Variants in UBN1 observed in about 807,000 individuals in gnomAD.
UBN1 encodes the protein ubinuclein 1, also known as ubinuclein-1.
UBN1 carries 17 observed loss-of-function variants against 108.5 expected under a neutral mutation model. The observed-to-expected ratio is 0.16, with a 90% CI of 0.11 to 0.24. The LOEUF (loss-of-function observed/expected upper bound fraction) is 0.24, where lower values mean the gene tolerates loss of function less well. Among genes scored for constraint, UBN1 ranks in the 10% least tolerant of loss-of-function variants. The probability of loss-of-function intolerance (pLI) is 1.00; values close to 1 mark genes in which losing one functional copy is unlikely to be tolerated. For missense variants in UBN1, 1,595 were observed against 1,394.4 expected (o/e 1.14, Z -2.29); for synonymous variants, 726 against 564.2 (o/e 1.29, Z -4.07).
chr16:4,848,288 G>C (rs2086307102), intron 1 of UBN1, 78 bp downstream of exon 1: 1 of 152,284 alleles, frequency 6.6e-6, no homozygotes, highest in African/African-American at 2.4e-5. Context: ...TGTGACAACA[G>C]GAAGACAGAT....
At chr16:4,862,370 C>G (rs890046627) in intron 7 of UBN1, among the ~76,000 whole-genome samples, 11 of 152,182 alleles carry the variant, frequency 7.2e-5, no homozygotes, top group African/African-American at 2.7e-4. Context: ...TTGTGTCCAG[C>G]ATTGGAAATT....
At chr16:4,876,733 C>T (rs1446632636) in intron 15 of UBN1, 138 bp from the exon 16 acceptor site, 26 of 1,372,890 alleles carry the variant, frequency 1.9e-5, no homozygotes, top group South Asian at 4.6e-5. Flanking sequence ...CGGAGGGTGC[C>T]TCCCAGGGCC....
chr16:4,859,802 G>A (rs1367501186), intron 5 of UBN1, 63 bp from the exon 6 acceptor site: 34 of 1,606,168 alleles, frequency 2.1e-5, no homozygotes, highest in African/African-American at 6.7e-5. Flanking sequence ...GGCCAGTGCC[G>A]TGTAGTGCAC....
chr16:4,847,521 C>G lies in UBN1; in HGVS notation c.-729C>G. ...CCTTCGGCTCGTGACAACGAAGCGCCCGCGGTCTGAGGCGGCGGCGGCGGC... is the reference window on the plus strand; with the variant it reads ...CCTTCGGCTCGTGACAACGAAGCGCGCGCGGTCTGAGGCGGCGGCGGCGGC... On this transcript the variant is annotated 5_prime_UTR_variant, in exon 1 of 18. Transcript: ENST00000262376. The G allele has an allele frequency of 2.0e-6, 1 of 503,336 alleles. No individual in the cohort carries two copies. Among genetic ancestry groups the G allele is most frequent in the Non-Finnish European group, 3.4e-6 (1 of 291,084 alleles). 31.2% of individuals were successfully genotyped at this position (503,336 alleles called of 1,614,324 possible).
intron 1 of UBN1, among the ~76,000 whole-genome samples, chr16:4,852,056 C>G (rs1481876627): frequency 6.6e-6 from 1 of 152,146 alleles, no homozygotes; most frequent in African/African-American, 2.4e-5. Context: ...TTGGTTGCTT[C>G]CATCATTTTT....
At chr16:4,872,280 G>A in intron 12 of UBN1, 2 of 985,376 alleles carry the variant, frequency 2.0e-6, no homozygotes, top group South Asian at 4.7e-5. Flanking sequence ...GGAGGGACTA[G>A]GCAATAAGGA....
chr16:4,857,827 CTTAA>C (rs1440595683), intron 2 of UBN1, among the ~76,000 whole-genome samples, 159 bp from the exon 3 acceptor site: 1 of 152,136 alleles, frequency 6.6e-6, no homozygotes, highest in Non-Finnish European at 1.5e-5. Flanking sequence ...ATTTTACTTT[CTTAA>C]TTAAGATAAA....
In UBN1 at chr16:4,875,205, G is replaced by T. The variant is rs199925917; in HGVS notation, c.2795G>T (p.Ser932Ile). 43 of 1,614,228 alleles carry T rather than the reference G, an allele frequency of 2.7e-5. No homozygotes were observed. Among genetic ancestry groups the T allele is most frequent in the Non-Finnish European group, 3.4e-5 (40 of 1,180,052 alleles). Reference protein sequence around the residue: ...GTPVQSSVSGSLVPGIQPPSV... With the variant: ...GTPVQSSVSGILVPGIQPPSV... ...CCAGTCCAGAGTTCTGTTTCTGGGA[G>T]CCTGGTCCCTGGCATACAGCCTCCC... The change falls in exon 15 of 18, where the codon AGC becomes ATC. Residue 932 changes from serine to isoleucine, a missense_variant. This residue lies in a region of UBN1 where 1,398 missense variants were observed against 1,194.7 expected (regional missense o/e 1.17). Transcript: ENST00000262376.
rs1450358517 is a variant in UBN1, at chr16:4,877,077, T to A, written c.3231T>A (p.Pro1077=). ...GVSKDAIVTG[P]APGSFHHGLG... is the part of the protein sequence containing the mutation. Reference sequence around the variant, plus strand: ...CCAAGGATGCCATCGTCACAGGCCCTGCCCCCGGGTCCTTCCACCATGGCC... The same window carrying A: ...CCAAGGATGCCATCGTCACAGGCCCAGCCCCCGGGTCCTTCCACCATGGCC... The change falls in exon 16 of 18, where the codon CCT becomes CCA. Residue 1077 remains proline, a synonymous_variant. Transcript: ENST00000262376. The surrounding 1 kb of genome is among the most constrained non-coding windows in gnomAD (Gnocchi z 4.3). The A allele has an allele frequency of 6.2e-7, 1 of 1,613,552 alleles. No individual in the cohort carries two copies. Among genetic ancestry groups the A allele is most frequent in the South Asian group, 1.1e-5 (1 of 90,980 alleles).
chr16:4,860,589 C>T lies in UBN1; in HGVS notation c.672-75C>T, dbSNP rs568780001. 45 of 1,433,860 alleles carry T rather than the reference C, an allele frequency of 3.1e-5. No homozygotes were observed. The African/African-American group carries it at 5.8e-4, about 19-fold the overall frequency. 88.8% of individuals were successfully genotyped at this position (1,433,860 alleles called of 1,614,324 possible). On this transcript the variant is annotated intron_variant, in intron 6 of 17. Coordinates refer to ENST00000262376, the MANE Select transcript of UBN1 (RefSeq NM_001079514.3). ...CTCCTGGAGACCATGACCCTGGGAG[C>T]AGGGGTGAAGGCCTCTGGAGTTCCC... is the stretch of plus-strand genomic sequence containing the variant.
At chr16:4,852,739 G>A in intron 1 of UBN1, 140 bp from the exon 2 acceptor site, 2 of 965,608 alleles carry the variant, frequency 2.1e-6, no homozygotes, top group South Asian at 1.8e-5. Context: ...TGAATAAGCA[G>A]AAAAAAACAA....
In UBN1 at chr16:4,871,538, C is replaced by T. The variant is rs118115836; in HGVS notation, c.1706+237C>T. ...GTTTTTGTCATTTTTTGTCCCACTT[C>T]AGTTGATGTTTGGCCTCCCATCTCA... On this transcript the variant is annotated intron_variant, in intron 12 of 17. Coordinates refer to ENST00000262376, the MANE Select transcript of UBN1 (RefSeq NM_001079514.3). Among the ~76,000 whole-genome samples, 18 of 144,094 alleles carry T rather than the reference C, an allele frequency of 1.2e-4. No homozygotes were observed. The East Asian group carries it at 3.5e-3, about 28-fold the overall frequency. 94.5% of individuals were successfully genotyped at this position (144,094 alleles called of 152,430 possible). A position where few individuals can be genotyped will look rare whatever the true frequency, so the allele number is the denominator to read the frequency against.
intron 8 of UBN1, among the ~76,000 whole-genome samples, chr16:4,870,006 C>T (rs2087541381): frequency 6.6e-6 from 1 of 152,194 alleles, no homozygotes; most frequent in African/African-American, 2.4e-5. Context: ...CCCACATTAC[C>T]TAGCCATGTT....
chr16:4,849,949 C>CACAAAAAAAAA (rs2086467139), intron 1 of UBN1, among the ~76,000 whole-genome samples: 2 of 72,196 alleles, frequency 2.8e-5, no homozygotes, highest in African/African-American at 5.9e-5. Flanking sequence ...AACTGTCTCA[C>CACAAAAAAAAA]AAAAAAAAAA....
rs2087790026 is a variant in UBN1, at chr16:4,874,538, T to C, written c.2128T>C (p.Leu710=). 6.2e-7 allele frequency: 1 copy of C among 1,614,202 alleles called. No individual in the cohort carries two copies. Among genetic ancestry groups the C allele is most frequent in the Non-Finnish European group, 8.5e-7 (1 of 1,180,026 alleles). Residue 710 remains leucine (L), a synonymous_variant, in exon 15 of 18, where the codon TTA becomes CTA. Transcript: ENST00000262376. ...ACCTGCAGAAAAAGTTGGAGGCGTT[T>C]TATGTACAGAAGAAAAAAGGAACTT... ...KAPAEKVGGV[L]CTEEKRNFAK...
chr16:4,852,682 A>G (rs2086614887), intron 1 of UBN1, 197 bp from the exon 2 acceptor site: 2 of 477,990 alleles, frequency 4.2e-6, no homozygotes, highest in South Asian at 2.4e-5. Context: ...GACTGGAAGT[A>G]TGCTAAGCAG....
At chr16:4,861,899 G>A (rs2087083366) in intron 7 of UBN1, among the ~76,000 whole-genome samples, 1 of 152,162 alleles carries the variant, frequency 6.6e-6, no homozygotes, top group Non-Finnish European at 1.5e-5. Flanking sequence ...TGGAGATTGC[G>A]CCAGTGCACT....
At position 4,858,550 on chromosome 16, in the gene UBN1, A is replaced by G. The variant is rs925222547; in HGVS notation, c.337-18A>G. 7.5e-6 allele frequency: 12 copies of G among 1,607,358 alleles called. No homozygotes were observed. The African/African-American group carries it at 9.4e-5, about 13-fold the overall frequency. Reference sequence around the variant, plus strand: ...TGTTTATTCAAAAAGCATGTAATCTATTGCTTTCACATTTTAGGGTGGAAA... The same window carrying G: ...TGTTTATTCAAAAAGCATGTAATCTGTTGCTTTCACATTTTAGGGTGGAAA... On this transcript the variant is annotated intron_variant, in intron 3 of 17. Coordinates refer to ENST00000262376, the MANE Select transcript of UBN1 (RefSeq NM_001079514.3).
rs764055535 is a variant in UBN1, at chr16:4,874,701, C to G, written c.2291C>G (p.Ser764Cys). The change falls in exon 15 of 18, where the codon TCC becomes TGC. Residue 764 changes from serine (S) to cysteine (C), a missense_variant. Around this residue, in one of 3 missense-constraint regions of UBN1, gnomAD observed 1,398 missense variants for 1,194.7 expected, o/e 1.17. Coordinates refer to ENST00000262376, the MANE Select transcript of UBN1 (RefSeq NM_001079514.3). Reference sequence around the variant, plus strand: ...GAGAGTTCTGGCTACAAAGAGCTGTCCTGCCAGGCTCCCCTCAATAAGGGC... The same window carrying G: ...GAGAGTTCTGGCTACAAAGAGCTGTGCTGCCAGGCTCCCCTCAATAAGGGC... ...KPESSGYKEL[S>C]CQAPLNKGLP... 2.5e-6 allele frequency: 4 copies of G among 1,614,048 alleles called. No homozygotes were observed. The highest frequency in any genetic ancestry group is 1.7e-5 in the Admixed American group (1 of 60,012).
Sources: allele counts gnomAD v4.1 joint callset (sites outside exome capture counted in the v4.1 genomes callset), GRCh38; gene constraint gnomAD v4.1.1; regional missense constraint gnomAD v4.1.1; non-coding constraint Gnocchi (gnomAD v3.1); transcripts MANE v1.5; gene names NCBI Gene and HGNC (gene_info 2026-07-23, HGNC 2026-07-21).